ENPEP: variants seen among roughly 807,000 people sequenced by gnomAD.
ENPEP encodes the protein AP-A.
ENPEP carries 103 observed loss-of-function variants against 114.5 expected under a neutral mutation model. That is an observed-to-expected ratio of 0.90 (90% CI 0.77 to 1.06). The LOEUF is 1.06. ENPEP is among the 50% of genes least tolerant of loss of function. The pLI is 0.00. For synonymous variants in ENPEP, 420 were observed against 422.0 expected (o/e 1.00, Z 0.06); for missense variants, 1,196 against 1,161.3 (o/e 1.03, Z -0.43).
chr4:110,560,967 G>A (rs143320606), intron 19 of ENPEP, among the ~76,000 whole-genome samples: 69 of 152,218 alleles, frequency 4.5e-4, no homozygotes, highest in African/African-American at 1.6e-3. Flanking sequence ...CTAATTTTAA[G>A]AAAGATTTGT....
intron 18 of ENPEP, 36 bp downstream of exon 18, chr4:110,553,491 G>C: frequency 6.3e-7 from 1 of 1,587,380 alleles, no homozygotes; most frequent in South Asian, 1.2e-5. Context: ...TGTTTTCTTT[G>C]TTTCATACTA....
At chr4:110,537,111 A>G (rs1726665701) in intron 11 of ENPEP, among the ~76,000 whole-genome samples, 1 of 152,206 alleles carries the variant, frequency 6.6e-6, no homozygotes, top group South Asian at 2.1e-4. Flanking sequence ...GTCTTGCCTC[A>G]GTGTTGATGG....
intron 10 of ENPEP, among the ~76,000 whole-genome samples, chr4:110,527,325 C>T (rs575307658): frequency 1.3e-5 from 2 of 152,278 alleles, no homozygotes; most frequent in East Asian, 3.9e-4. Flanking sequence ...CCCAGCCTCC[C>T]ACACTAAGTG....
intron 10 of ENPEP, among the ~76,000 whole-genome samples, chr4:110,527,812 C>T (rs1417195140): frequency 6.6e-6 from 1 of 152,046 alleles, no homozygotes; most frequent in Non-Finnish European, 1.5e-5. Context: ...CTGTTACTTC[C>T]TCTCATATGT....
chr4:110,541,039 T>C (rs1337525557), intron 11 of ENPEP, among the ~76,000 whole-genome samples: 1 of 152,114 alleles, frequency 6.6e-6, no homozygotes, highest in African/African-American at 2.4e-5. Context: ...GGCTTTATGC[T>C]TAGCAAGAAA....
intron 13 of ENPEP, among the ~76,000 whole-genome samples, chr4:110,547,972 A>G (rs1727129043): frequency 6.6e-6 from 1 of 152,000 alleles, no homozygotes; most frequent in African/African-American, 2.4e-5. Flanking sequence ...TGAATGTATG[A>G]AAGCCCTACT....
At chr4:110,496,460 CAT>C (rs1250681756) in intron 3 of ENPEP, among the ~76,000 whole-genome samples, 3 of 152,112 alleles carry the variant, frequency 2.0e-5, no homozygotes, top group South Asian at 2.1e-4. Context: ...ATTTATCAAA[CAT>C]TCGTCAAATC....
At position 110,561,665 on chromosome 4, in the gene ENPEP, T is replaced by A; in HGVS notation, c.*107T>A. On this transcript the variant is annotated 3_prime_UTR_variant, in exon 20 of 20. Coordinates refer to ENST00000265162, the MANE Select transcript of ENPEP (RefSeq NM_001977.4). Reference sequence around the variant, plus strand: ...TGGAGAGAGCCTTATAAACAGATAATGCTTTTACTAAGCACTGTGTTTATA... The same window carrying A: ...TGGAGAGAGCCTTATAAACAGATAAAGCTTTTACTAAGCACTGTGTTTATA... The A allele has an allele frequency of 9.5e-7, 1 of 1,049,920 alleles. No individual in the cohort carries two copies. 65.0% of individuals were successfully genotyped at this position (1,049,920 alleles called of 1,614,324 possible).
chr4:110,501,532 G>A (rs747479656), intron 3 of ENPEP, among the ~76,000 whole-genome samples: 2 of 152,038 alleles, frequency 1.3e-5, no homozygotes, highest in Non-Finnish European at 2.9e-5. Flanking sequence ...AGAAGATGTG[G>A]TATTTGGTTC....
Position 110,519,054 on chromosome 4 carries a change from T to C in ENPEP, c.1510-954T>C, listed in dbSNP as rs1331445504. ...GTAATGAATACCTAAAAGTGATTGC[T>C]GCTTCTCCCTTCCTTTGCCTGCCCT... On this transcript the variant is annotated intron_variant, in intron 8 of 19. Coordinates refer to ENST00000265162, the MANE Select transcript of ENPEP (RefSeq NM_001977.4). The C allele has an allele frequency of 6.6e-6, 3 of 455,716 alleles. No homozygotes were observed. In the Admixed American group the frequency reaches 7.0e-5, roughly 11 times the overall value. The allele number at this position is 455,716 out of a possible 1,614,324, so 28.2% of individuals were successfully genotyped here.
chr4:110,497,781 A>G (rs1029174537), intron 3 of ENPEP, among the ~76,000 whole-genome samples: 5 of 152,346 alleles, frequency 3.3e-5, no homozygotes, highest in African/African-American at 1.2e-4. Context: ...ATGAGGAAGG[A>G]GCAAACTAAA....
intron 3 of ENPEP, among the ~76,000 whole-genome samples, chr4:110,504,113 G>A (rs949972641): frequency 6.6e-5 from 10 of 152,194 alleles, no homozygotes; most frequent in Admixed American, 1.3e-4. Flanking sequence ...AGCAGGGGAA[G>A]GGACCTTGGC....
rs559273596 is a variant in ENPEP, at chr4:110,564,021, G to A, written c.*2463G>A. The A allele has an allele frequency of 2.6e-5, 4 of 151,872 alleles. No individual in the cohort carries two copies. The highest frequency in any genetic ancestry group is 9.7e-5 in the African/African-American group (4 of 41,444). 9.4% of individuals were successfully genotyped at this position (151,872 alleles called of 1,614,324 possible). On this transcript the variant is annotated 3_prime_UTR_variant, in exon 20 of 20. Transcript: ENST00000265162. ...CTCAAAGGGAATTGGGGGATGAGAA[G>A]GAAGTAGAAAAGAGGGGATTCAAAT...
At chr4:110,505,243 G>T (rs936147387) in intron 3 of ENPEP, among the ~76,000 whole-genome samples, 3 of 152,018 alleles carry the variant, frequency 2.0e-5, no homozygotes, top group Non-Finnish European at 2.9e-5. Flanking sequence ...GGACAGGAGG[G>T]TAATCCAAAC....
At chr4:110,487,371 A>G (rs1724543544) in intron 1 of ENPEP, among the ~76,000 whole-genome samples, 1 of 152,258 alleles carries the variant, frequency 6.6e-6, no homozygotes, top group South Asian at 2.1e-4. Flanking sequence ...AGGAATGAAC[A>G]AGTGCAGCTT....
chr4:110,520,140 C>G, intron 9 of ENPEP, 67 bp downstream of exon 9: 5 of 1,592,986 alleles, frequency 3.1e-6, no homozygotes, highest in Non-Finnish European at 4.3e-6. Context: ...CAATCATTTT[C>G]TAATCTAACT....
Position 110,476,796 on chromosome 4 carries a change from C to T in ENPEP, c.382C>T (p.Pro128Ser). 1 of 1,614,172 alleles carries T rather than the reference C, an allele frequency of 6.2e-7. No homozygotes were observed. The highest frequency in any genetic ancestry group is 8.5e-7 in the Non-Finnish European group (1 of 1,180,026). Residue 128 changes from proline (P) to serine (S), a missense_variant, in exon 1 of 20, where the codon CCC (proline) becomes TCC (serine). Physicochemically the swap from Pro to Ser is moderately conservative, Grantham distance 74. Transcript: ENST00000265162. Reference sequence around the variant, plus strand: ...GAGCATCTCCATCAACCTGAGCGCTCCCACCCGGTACCTGTGGCTGCACCT... The same window carrying T: ...GAGCATCTCCATCAACCTGAGCGCTTCCACCCGGTACCTGTGGCTGCACCT... ...TVSISINLSA[P>S]TRYLWLHLRE...
At chr4:110,498,675 C>T (rs1179162787) in intron 3 of ENPEP, among the ~76,000 whole-genome samples, 1 of 152,194 alleles carries the variant, frequency 6.6e-6, no homozygotes, top group Non-Finnish European at 1.5e-5. Context: ...TGGAATCATG[C>T]AGGGCCCTGC....
intron 18 of ENPEP, among the ~76,000 whole-genome samples, chr4:110,558,690 AT>A (rs1727577228): frequency 1.3e-5 from 2 of 152,204 alleles, no homozygotes; most frequent in East Asian, 1.9e-4. Context: ...TTTATATATA[AT>A]TTTGTGGGTT....
Sources: gnomAD v4.1 joint callset for allele counts (sites outside exome capture counted in the v4.1 genomes callset) on GRCh38, gnomAD v4.1.1 for gene constraint, MANE v1.5 for transcripts, NCBI Gene and HGNC (gene_info 2026-07-23, HGNC 2026-07-21) for gene names.